Variants in RGMB observed in about 807,000 individuals in gnomAD.
RGMB encodes the protein repulsive guidance molecule BMP co-receptor b.
A neutral mutation model predicts 26.9 loss-of-function variants in RGMB; 16 were observed. The ratio of observed to expected loss-of-function variants is 0.60; its 90% CI spans 0.40 to 0.90. The LOEUF (loss-of-function observed/expected upper bound fraction) is 0.90, where lower values mean the gene tolerates loss of function less well. RGMB is among the 40% of genes least tolerant of loss of function. The pLI is 0.00. For synonymous variants in RGMB, 225 were observed against 229.3 expected, an observed-to-expected ratio of 0.98 and a Z score of 0.17; for missense variants, 512 against 573.3, an observed-to-expected ratio of 0.89 and a Z score of 1.09.
intron 2 of RGMB, among the ~76,000 whole-genome samples, chr5:98,787,776 C>T (rs867983286): frequency 6.6e-6 from 1 of 152,246 alleles, no homozygotes; most frequent in African/African-American, 2.4e-5. Flanking sequence ...ATGCTTCCAG[C>T]ATTCACTGTC....
At chr5:98,772,300 T>C (rs897453036), upstream of RGMB, among the ~76,000 whole-genome samples, 2 of 152,226 alleles carry the variant, frequency 1.3e-5, no homozygotes, top group East Asian at 3.8e-4. Flanking sequence ...GCATCCTTCA[T>C]TAGGGACCTA....
In RGMB at chr5:98,793,825, A is replaced by G; in HGVS notation, c.*72A>G. The G allele has an allele frequency of 8.4e-7, 1 of 1,183,656 alleles. No homozygotes were observed. 73.3% of individuals were successfully genotyped at this position (1,183,656 alleles called of 1,614,324 possible). ...TTTAAAATATATATTGTCATAATATATTGAGTAAAAGAGTATATATGTATA... is the reference window on the plus strand; with the variant it reads ...TTTAAAATATATATTGTCATAATATGTTGAGTAAAAGAGTATATATGTATA... On this transcript the variant is annotated 3_prime_UTR_variant, in exon 3 of 3. Coordinates refer to ENST00000513185, the MANE Select transcript of RGMB (RefSeq NM_001366508.1).
upstream of RGMB, chr5:98,771,583 C>T (rs1746165796): frequency 2.0e-5 from 3 of 152,268 alleles, no homozygotes; most frequent in South Asian, 6.2e-4. Flanking sequence ...ACTTATGCAG[C>T]AATAAAAAGT....
At position 98,793,579 on chromosome 5, in the gene RGMB, T is replaced by G; in HGVS notation, c.1140T>G (p.Gly380=). ...GTGTCTTCGACCTGCTCACCACTGG[T>G]GATGCCAACTTTACTGCCGCAGCCC... The part of the protein sequence containing the change: ...QSCVFDLLTT[G]DANFTAAAHS... The change falls in exon 3 of 3, where the codon GGT becomes GGG. Residue 380 remains glycine (G), a synonymous_variant. Coordinates refer to ENST00000513185, the MANE Select transcript of RGMB (RefSeq NM_001366508.1). 6.2e-7 allele frequency: 1 copy of G among 1,613,986 alleles called. No individual in the cohort carries two copies. Among genetic ancestry groups the G allele is most frequent in the Non-Finnish European group, 8.5e-7 (1 of 1,179,896 alleles).
upstream of RGMB, chr5:98,772,660 C>A (rs911222513): frequency 1.1e-4 from 16 of 152,202 alleles, 1 homozygote; most frequent in Non-Finnish European, 1.3e-4. Context: ...CTCATAACTG[C>A]TTTTCTGTCT....
intron 2 of RGMB, among the ~76,000 whole-genome samples, chr5:98,792,297 C>T (rs1304153454): frequency 6.6e-6 from 1 of 152,136 alleles, no homozygotes. Flanking sequence ...TGGTAGGAAG[C>T]AAAGTTCTGT....
intron 2 of RGMB, among the ~76,000 whole-genome samples, chr5:98,782,196 T>C (rs1193600639): frequency 6.6e-6 from 1 of 152,160 alleles, no homozygotes; most frequent in African/African-American, 2.4e-5. Flanking sequence ...TGTAACTCTC[T>C]CCAAAGCCCC....
chr5:98,781,110 A>G (rs1043403834), intron 2 of RGMB: 3 of 152,196 alleles, frequency 2.0e-5, no homozygotes, highest in African/African-American at 7.2e-5. Context: ...TGTTCTCTTG[A>G]TTCCAGGACA....
chr5:98,773,934 C>A lies in RGMB; in HGVS notation c.-137C>A. The A allele has an allele frequency of 3.5e-6, 2 of 576,004 alleles. No individual in the cohort carries two copies. The highest frequency in any genetic ancestry group is 2.1e-5 in the South Asian group (1 of 47,986). 35.7% of individuals were successfully genotyped at this position (576,004 alleles called of 1,614,324 possible). A position where few individuals can be genotyped will look rare whatever the true frequency, so the allele number is the denominator to read the frequency against. On this transcript the variant is annotated 5_prime_UTR_variant, in exon 1 of 3. It adds an upstream start codon to the 5' untranslated region. Coordinates refer to ENST00000513185, the MANE Select transcript of RGMB (RefSeq NM_001366508.1). ...TGCTGCGGCGGTGGTGGCGCCCCAT[C>A]TGCTACACGGGCCTGAAGAAGGAAG...
rs1747025845 is a variant in RGMB, at chr5:98,793,835, A to G, written c.*82A>G. ...ATATTGTCATAATATATTGAGTAAA[A>G]GAGTATATATGTATATACCATGTAT... is the stretch of plus-strand genomic sequence containing the variant. On this transcript the variant is annotated 3_prime_UTR_variant, in exon 3 of 3. Transcript: ENST00000513185. 3 of 1,079,846 alleles carry G rather than the reference A, an allele frequency of 2.8e-6. No individual in the cohort carries two copies. The East Asian group carries it at 7.8e-5, about 28-fold the overall frequency. 66.9% of individuals were successfully genotyped at this position (1,079,846 alleles called of 1,614,324 possible).
rs150313779 is a variant in RGMB at position 98,779,663 on chromosome 5, G to A, written c.220G>A (p.Val74Ile). ...CCTGACTTCTCACCTGAACTCTGCC[G>A]TTGACGGCTTTGACTCTGAGTTTTG... ...VSLTSHLNSA[V>I]DGFDSEFCKA... Residue 74 changes from valine to isoleucine, a missense_variant, in exon 2 of 3, where the codon GTT becomes ATT. Coordinates refer to ENST00000513185, the MANE Select transcript of RGMB (RefSeq NM_001366508.1). 151 of 1,574,676 alleles carry A rather than the reference G, an allele frequency of 9.6e-5. No homozygotes were observed. In the African/African-American group the frequency reaches 1.7e-3, roughly 18 times the overall value.
At chr5:98,776,483 T>C (rs1746405408) in intron 1 of RGMB, among the ~76,000 whole-genome samples, 2 of 152,258 alleles carry the variant, frequency 1.3e-5, no homozygotes, top group South Asian at 4.1e-4. Flanking sequence ...AGATTGTTTC[T>C]GCTCCGCATT....
upstream of RGMB, chr5:98,769,781 T>G (rs1198576505): frequency 1.3e-5 from 2 of 152,554 alleles, no homozygotes; most frequent in African/African-American, 2.4e-5. Flanking sequence ...GTGAGAAAGC[T>G]CTGACGCTCC....
intron 2 of RGMB, chr5:98,780,328 A>G: frequency 2.3e-6 from 1 of 442,926 alleles, no homozygotes; most frequent in East Asian, 3.7e-5. Flanking sequence ...TAAACAGTGA[A>G]ATTGAGTTCT....
chr5:98,773,539 G>C (rs1746248748), upstream of RGMB: 1 of 177,872 alleles, frequency 5.6e-6, no homozygotes, highest in Admixed American at 6.3e-5. Flanking sequence ...CTGACGTGCG[G>C]TCACAACCAA....
At position 98,793,451 on chromosome 5, in the gene RGMB, C is replaced by T; in HGVS notation, c.1012C>T (p.Pro338Ser). The T allele has an allele frequency of 6.2e-7, 1 of 1,612,466 alleles. No individual in the cohort carries two copies. Among genetic ancestry groups the T allele is most frequent in the Non-Finnish European group, 8.5e-7 (1 of 1,179,318 alleles). Residue 338 changes from proline (P) to serine (S), a missense_variant, in exon 3 of 3, where the codon CCT becomes TCT. Physicochemically the swap from Pro to Ser is moderately conservative, Grantham distance 74 (BLOSUM62 -1). Coordinates refer to ENST00000513185, the MANE Select transcript of RGMB (RefSeq NM_001366508.1). ...GTCTGCCATCCTGGGACACAGCCTG[C>T]CTCGCACCTCCTTGGTGCAGGCCTG... ...QVSAILGHSL[P>S]RTSLVQAWPG...
upstream of RGMB, among the ~76,000 whole-genome samples, chr5:98,771,941 GA>G (rs11370451): frequency 1.3e-5 from 2 of 151,960 alleles, no homozygotes; most frequent in South Asian, 4.1e-4. Flanking sequence ...TGGGTTAAGA[GA>G]AAAAAATGTA....
chr5:98,773,661 G>A, upstream of RGMB: 1 of 341,474 alleles, frequency 2.9e-6, no homozygotes, highest in East Asian at 4.5e-5. Flanking sequence ...GGGGGCTGCC[G>A]CGCAGAGATA....
Position 98,793,792 on chromosome 5 carries a change from A to G in RGMB, c.*39A>G. On this transcript the variant is annotated 3_prime_UTR_variant, in exon 3 of 3. Coordinates refer to ENST00000513185, the MANE Select transcript of RGMB (RefSeq NM_001366508.1). Reference sequence around the variant, plus strand: ...TTTTGGTTTTTTATTTTTTGTCTATAACAAAATTTTAAAATATATATTGTC... The same window carrying G: ...TTTTGGTTTTTTATTTTTTGTCTATGACAAAATTTTAAAATATATATTGTC... 1 of 1,423,596 alleles carries G rather than the reference A, an allele frequency of 7.0e-7. No homozygotes were observed. The highest frequency in any genetic ancestry group is 9.4e-7 in the Non-Finnish European group (1 of 1,066,940). The allele number at this position is 1,423,596 out of a possible 1,614,324, so 88.2% of individuals were successfully genotyped here.
Sources: allele counts gnomAD v4.1 joint callset (sites outside exome capture counted in the v4.1 genomes callset), GRCh38; gene constraint gnomAD v4.1.1; transcripts MANE v1.5; gene names NCBI Gene and HGNC (gene_info 2026-07-23, HGNC 2026-07-21).